TSG101: variants seen among roughly 807,000 people sequenced by gnomAD.
TSG101 encodes the protein tumor susceptibility 101, also known as tumor susceptibility gene 101 protein.
A neutral mutation model predicts 48.5 loss-of-function variants in TSG101; 19 were observed. The ratio of observed to expected loss-of-function variants is 0.39; its 90% confidence interval spans 0.27 to 0.58. TSG101 has a LOEUF of 0.58. TSG101 is among the 20% of genes least tolerant of loss of function. The pLI is 0.55. For synonymous variants in TSG101, 174 were observed against 169.4 expected (o/e 1.03, Z -0.21); for missense variants, 365 against 484.4 (o/e 0.75, Z 2.31).
At position 18,487,957 on chromosome 11, in the gene TSG101, T is replaced by A. The variant is rs562723869; in HGVS notation, c.641-3885A>T. On this transcript the variant is annotated intron_variant, in intron 7 of 9. Coordinates refer to ENST00000251968, the MANE Select transcript of TSG101 (RefSeq NM_006292.4). ...AGTTTTACACTTTTCCTGATTATTCTGTGTAAGGTGAAACTGGAACTGTTT... is the reference window on the plus strand; with the variant it reads ...AGTTTTACACTTTTCCTGATTATTCAGTGTAAGGTGAAACTGGAACTGTTT... Among the ~76,000 whole-genome samples the A allele has an allele frequency of 7.7e-4, 117 of 152,360 alleles. 1 individual carries two copies. The highest frequency in any genetic ancestry group is 2.6e-3 in the African/African-American group (110 of 41,592).
At chr11:18,526,714 C>G in intron 1 of TSG101, 61 bp downstream of exon 1, 2 of 1,569,922 alleles carry the variant, frequency 1.3e-6, no homozygotes, top group Non-Finnish European at 1.7e-6. Flanking sequence ...GGGACGGACT[C>G]GACAGGGCGC....
intron 1 of TSG101, among the ~76,000 whole-genome samples, chr11:18,521,358 CCTTT>C (rs1850270028): frequency 2.3e-5 from 3 of 132,178 alleles, no homozygotes; most frequent in Admixed American, 7.7e-5. Flanking sequence ...CAAACTGATT[CCTTT>C]TTTTTTTTTT....
chr11:18,526,904 C>T lies in TSG101; in HGVS notation c.-88G>A, dbSNP rs2292178. 7.6e-6 allele frequency: 11 copies of T among 1,438,624 alleles called. No individual in the cohort carries two copies. The highest frequency in any genetic ancestry group is 2.5e-5 in the East Asian group (1 of 40,402). 89.1% of individuals were successfully genotyped at this position (1,438,624 alleles called of 1,614,324 possible). On this transcript the variant is annotated 5_prime_UTR_variant, in exon 1 of 10. Coordinates refer to ENST00000251968, the MANE Select transcript of TSG101 (RefSeq NM_006292.4). ...GACCGTCCCACACAATCGCACACCC[C>T]CAACCCGGCCTCAAACAACAGGAAG...
chr11:18,481,206 C>T, intron 9 of TSG101: 1 of 853,760 alleles, frequency 1.2e-6, no homozygotes, highest in Non-Finnish European at 1.4e-6. Context: ...CTTGAAAGGG[C>T]AGCCTGATAC....
intron 5 of TSG101, chr11:18,508,746 G>T (rs1850018928): frequency 6.6e-6 from 1 of 151,462 alleles, no homozygotes; most frequent in African/African-American, 2.4e-5. Flanking sequence ...GATTAAAAAG[G>T]AAAAAGTATA....
At chr11:18,504,594 CTCTT>C (rs1198490013) in intron 6 of TSG101, among the ~76,000 whole-genome samples, 6 of 151,010 alleles carry the variant, frequency 4.0e-5, no homozygotes, top group African/African-American at 9.9e-5. Flanking sequence ...GGATAAACTG[CTCTT>C]TTTTTCTGGA....
At chr11:18,521,469 A>G (rs906034749) in intron 1 of TSG101, among the ~76,000 whole-genome samples, 5 of 148,498 alleles carry the variant, frequency 3.4e-5, no homozygotes, top group African/African-American at 1.0e-4. Flanking sequence ...CCTGGACTCA[A>G]GTGATACTCC....
intron 6 of TSG101, 56 bp downstream of exon 6, chr11:18,506,801 C>G (rs912369154): frequency 9.2e-5 from 128 of 1,393,090 alleles, no homozygotes; most frequent in Non-Finnish European, 1.1e-4. Context: ...TATTTTGATT[C>G]TAGATCTAAT....
intron 7 of TSG101, chr11:18,490,615 A>G (rs1590272405): frequency 2.1e-6 from 1 of 465,654 alleles, no homozygotes; most frequent in Admixed American, 2.8e-5. Flanking sequence ...TTCATTTTCA[A>G]ATAGAAAATG....
chr11:18,514,133 G>A (rs1306463301), intron 4 of TSG101, among the ~76,000 whole-genome samples: 4 of 151,518 alleles, frequency 2.6e-5, no homozygotes, highest in Non-Finnish European at 5.9e-5. Flanking sequence ...AAAGTTATTG[G>A]CAGAACTACC....
In TSG101 at chr11:18,516,086, A is replaced by G. The variant is rs781651256; in HGVS notation, c.193+13T>C. The G allele has an allele frequency of 4.0e-5, 65 of 1,611,454 alleles. No individual in the cohort carries two copies. The Admixed American group carries it at 8.7e-4, about 22-fold the overall frequency. On this transcript the variant is annotated intron_variant, in intron 3 of 9. Coordinates refer to ENST00000251968, the MANE Select transcript of TSG101 (RefSeq NM_006292.4). Reference sequence around the variant, plus strand: ...AAAATGCATCTATGCTGGAAACCTAATAAGACATTTACCTCTATAAGGCAC... The same window carrying G: ...AAAATGCATCTATGCTGGAAACCTAGTAAGACATTTACCTCTATAAGGCAC...
chr11:18,508,070 G>A (rs1304771350), intron 5 of TSG101, among the ~76,000 whole-genome samples: 1 of 149,954 alleles, frequency 6.7e-6, no homozygotes, highest in South Asian at 2.1e-4. Flanking sequence ...CTCCGGCCTG[G>A]GCAACAGAGC....
intron 7 of TSG101, among the ~76,000 whole-genome samples, chr11:18,488,032 GCTATA>G (rs1297576000): frequency 6.6e-6 from 1 of 151,856 alleles, no homozygotes; most frequent in Non-Finnish European, 1.5e-5. Flanking sequence ...TTTCTTTTTT[GCTATA>G]CTATTTTCAC....
chr11:18,485,346 C>T (rs927346908), intron 7 of TSG101, among the ~76,000 whole-genome samples: 1 of 152,186 alleles, frequency 6.6e-6, no homozygotes, highest in African/African-American at 2.4e-5. Flanking sequence ...TCTCTCTTAA[C>T]AGTTATCACT....
At position 18,482,013 on chromosome 11, in the gene TSG101, G is replaced by C. The variant is rs1295074400; in HGVS notation, c.844-144C>G. 10 of 1,157,172 alleles carry C rather than the reference G, an allele frequency of 8.6e-6. 1 individual carries two copies. The highest frequency in any genetic ancestry group is 1.1e-5 in the Non-Finnish European group (9 of 830,480). 71.7% of individuals were successfully genotyped at this position (1,157,172 alleles called of 1,614,324 possible). On this transcript the variant is annotated intron_variant, in intron 8 of 9. Transcript: ENST00000251968. ...GAATAATGTTTCAAATAACACCCTG[G>C]TCAAAGGTAGAGGAAAAGATGTGAT...
intron 1 of TSG101, among the ~76,000 whole-genome samples, chr11:18,520,939 G>A (rs145175849): frequency 0.017 from 2,641 of 152,050 alleles, 64 homozygotes; most frequent in African/African-American, 0.06. Flanking sequence ...GCTGAGGCAG[G>A]AGAATCGCTT....
Position 18,526,932 on chromosome 11 carries a change from GGCACCACT to G in TSG101, c.-124_-117del. ...ACCCGGCCTCAAACAACAGGAAGTCGGCACCACTACACCACTTCCGCTTCCACTACGTC... is the reference window on the plus strand; with the variant it reads ...ACCCGGCCTCAAACAACAGGAAGTCGACACCACTTCCGCTTCCACTACGTC... On this transcript the variant is annotated 5_prime_UTR_variant, in exon 1 of 10. Transcript: ENST00000251968. 8.7e-7 allele frequency: 1 copy of G among 1,152,196 alleles called. No individual in the cohort carries two copies. Among genetic ancestry groups the G allele is most frequent in the South Asian group, 1.4e-5 (1 of 71,908 alleles). 71.4% of individuals were successfully genotyped at this position (1,152,196 alleles called of 1,614,324 possible). A position where few individuals can be genotyped will look rare whatever the true frequency, so the allele number is the denominator to read the frequency against.
intron 7 of TSG101, among the ~76,000 whole-genome samples, chr11:18,491,767 GTA>G (rs1267392539): frequency 1.3e-5 from 2 of 152,212 alleles, no homozygotes; most frequent in African/African-American, 4.8e-5. Context: ...TAACTAAAGA[GTA>G]TTTTCTTACC....
At chr11:18,505,351 G>A (rs185199773) in intron 6 of TSG101, among the ~76,000 whole-genome samples, 36 of 151,940 alleles carry the variant, frequency 2.4e-4, no homozygotes, top group Non-Finnish European at 5.0e-4. Flanking sequence ...CGATCTGTAG[G>A]CTCAAGTGAT....
Sources: allele counts gnomAD v4.1 joint callset (sites outside exome capture counted in the v4.1 genomes callset), GRCh38; gene constraint gnomAD v4.1.1; transcripts MANE v1.5; gene names NCBI Gene and HGNC (gene_info 2026-07-23, HGNC 2026-07-21).